DPP6: variants seen among roughly 807,000 people sequenced by gnomAD.
DPP6 encodes the protein dipeptidyl peptidase like 6, also known as A-type potassium channel modulatory protein DPP6.
Under a neutral mutation model 122.6 loss-of-function variants are expected in DPP6, and 69 were observed. That is an observed-to-expected ratio of 0.56 (90% CI 0.46 to 0.69). The LOEUF is 0.69. Ranked by LOEUF, DPP6 falls within the 30% of genes least tolerant of loss-of-function variation. The pLI is 0.00. For synonymous variants in DPP6, 418 were observed against 433.1 expected (o/e 0.97, Z 0.43); for missense variants, 928 against 1,116.9 (o/e 0.83, Z 2.41).
chr7:153,885,496 C>A (rs1045411385), upstream of DPP6, among the ~76,000 whole-genome samples: 1 of 152,074 alleles, frequency 6.6e-6, no homozygotes, highest in African/African-American at 2.4e-5. Flanking sequence ...ATGTGATGCA[C>A]ACTGAGAAGG....
chr7:154,689,842 A>G (rs1476749766), intron 7 of DPP6, among the ~76,000 whole-genome samples: 3 of 152,240 alleles, frequency 2.0e-5, no homozygotes, highest in Non-Finnish European at 4.4e-5. Context: ...TGACTGCTCC[A>G]TGAATTTTCC....
chr7:154,513,918 C>T (rs761548678), intron 3 of DPP6, among the ~76,000 whole-genome samples: 1 of 152,154 alleles, frequency 6.6e-6, no homozygotes, highest in Non-Finnish European at 1.5e-5. Context: ...TTCTTTCATG[C>T]TGATTTTTAT....
intron 8 of DPP6, among the ~76,000 whole-genome samples, chr7:154,750,067 G>A (rs1843296569): frequency 6.6e-6 from 1 of 152,140 alleles, no homozygotes; most frequent in African/African-American, 2.4e-5. Flanking sequence ...AAATACCAGA[G>A]TGCAATAGAG....
At chr7:154,334,663 G>A (rs1320088432) in intron 1 of DPP6, among the ~76,000 whole-genome samples, 11 of 152,166 alleles carry the variant, frequency 7.2e-5, no homozygotes, top group South Asian at 2.1e-4. Flanking sequence ...TTGGGAGGCC[G>A]CGGTGGCAGA....
intron 12 of DPP6, 95 bp from the exon 13 acceptor site, chr7:154,801,260 A>G (rs1321448119): frequency 1.3e-5 from 20 of 1,494,508 alleles, no homozygotes; most frequent in Admixed American, 2.1e-5. Context: ...GAAATCACAT[A>G]GAAAATGTAT....
At position 154,875,934 on chromosome 7, in the gene DPP6, G is replaced by T; in HGVS notation, c.1912G>T (p.Ala638Ser). The stretch of plus-strand genomic sequence containing the variant: ...TGGCACCCCAGGCAGCCAGAGTGTG[G>T]CTGAGAAGTTCGAGGTGAGCTGGGA... ...VDGTPGSQSVAEKFEVSWETV... is the reference protein window; with the variant it reads ...VDGTPGSQSVSEKFEVSWETV... The change falls in exon 20 of 26, where the codon GCT (alanine) becomes TCT (serine). Residue 638 changes from alanine (A) to serine (S), a missense_variant. Ala to Ser is a moderately conservative substitution (Grantham distance 99). Transcript: ENST00000377770. The surrounding 1 kb of genome is among the most constrained non-coding windows in gnomAD (Gnocchi z 4.5). 6.2e-6 allele frequency: 10 copies of T among 1,612,982 alleles called. No individual in the cohort carries two copies. The highest frequency in any genetic ancestry group is 7.6e-6 in the Non-Finnish European group (9 of 1,179,534).
intron 5 of DPP6, among the ~76,000 whole-genome samples, chr7:154,570,481 T>C (rs1831038449): frequency 6.6e-6 from 1 of 151,892 alleles, no homozygotes; most frequent in Non-Finnish European, 1.5e-5. Context: ...GTACATTTAG[T>C]ACTGAGCAAA....
chr7:154,326,418 T>C (rs1000414228), intron 1 of DPP6, among the ~76,000 whole-genome samples: 1 of 152,126 alleles, frequency 6.6e-6, no homozygotes, highest in African/African-American at 2.4e-5. Flanking sequence ...CTATATATAC[T>C]GTCACAAAAC....
chr7:153,904,322 G>A (rs1799758293), intron 1 of DPP6, among the ~76,000 whole-genome samples: 1 of 152,198 alleles, frequency 6.6e-6, no homozygotes, highest in Admixed American at 6.5e-5. Flanking sequence ...AAAATGCTGG[G>A]ATTACAGGCG....
intron 4 of DPP6, among the ~76,000 whole-genome samples, chr7:154,542,933 C>G (rs1471311779): frequency 6.6e-6 from 1 of 152,188 alleles, no homozygotes; most frequent in Non-Finnish European, 1.5e-5. Flanking sequence ...TTCTGCCAGC[C>G]CAGAACCTGG....
intron 1 of DPP6, among the ~76,000 whole-genome samples, chr7:154,313,751 A>ATACACC (rs1554515651): frequency 0.091 from 4,109 of 45,128 alleles, 847 homozygotes; most frequent in African/African-American, 0.18. Context: ...ACACACACAC[A>ATACACC]CCCTTACATA....
At chr7:154,357,405 C>T (rs1811357699) in intron 1 of DPP6, among the ~76,000 whole-genome samples, 1 of 151,874 alleles carries the variant, frequency 6.6e-6, no homozygotes, top group African/African-American at 2.4e-5. Context: ...AGGTCAATTG[C>T]ATGCAATTTT....
intron 1 of DPP6, among the ~76,000 whole-genome samples, chr7:154,104,924 G>A (rs1392451922): frequency 6.6e-6 from 1 of 152,214 alleles, no homozygotes; most frequent in East Asian, 1.9e-4. Flanking sequence ...TGGGAGTGGT[G>A]GCACACCTCT....
intron 1 of DPP6, among the ~76,000 whole-genome samples, chr7:154,347,299 C>A (rs2151072660): frequency 6.6e-6 from 1 of 152,274 alleles, no homozygotes; most frequent in Non-Finnish European, 1.5e-5. Context: ...AAGATCAGAC[C>A]AATATTCCCT....
chr7:154,199,018 G>GTTT lies in DPP6; in HGVS notation c.243+145965_243+145967dup, dbSNP rs548827696. ...TCACCTGGGCTATTGGTTTACTAGG[G>GTTT]TTTTTTTTTTTTGGTGGATTTGCCC... On this transcript the variant is annotated intron_variant, in intron 1 of 25. Coordinates refer to ENST00000377770, the MANE Select transcript of DPP6 (RefSeq NM_130797.4). Among the ~76,000 whole-genome samples, 251 of 147,164 alleles carry GTTT rather than the reference G, an allele frequency of 1.7e-3. 1 individual carries two copies. Among genetic ancestry groups the GTTT allele is most frequent in the African/African-American group, 6.0e-3 (243 of 40,166 alleles).
At chr7:154,831,151 C>A (rs1234486863) in intron 16 of DPP6, among the ~76,000 whole-genome samples, 9 of 152,206 alleles carry the variant, frequency 5.9e-5, no homozygotes, top group Admixed American at 5.9e-4. Context: ...TCTGGAAAGA[C>A]AAAGAGACCA....
chr7:154,843,905 TC>T (rs1801754365), intron 16 of DPP6, among the ~76,000 whole-genome samples: 1 of 152,256 alleles, frequency 6.6e-6, no homozygotes, highest in Non-Finnish European at 1.5e-5. Flanking sequence ...AAGTCTGTCT[TC>T]CGTACTGGAC....
At chr7:154,370,036 G>A (rs900747142) in intron 1 of DPP6, among the ~76,000 whole-genome samples, 2 of 151,890 alleles carry the variant, frequency 1.3e-5, no homozygotes, top group Non-Finnish European at 2.9e-5. Flanking sequence ...AGGCTGGAGT[G>A]CAATAGCACA....
intron 1 of DPP6, among the ~76,000 whole-genome samples, chr7:154,029,385 C>T (rs561190543): frequency 4.4e-4 from 66 of 151,456 alleles, no homozygotes; most frequent in South Asian, 1.3e-3. Flanking sequence ...GGCGCGGTGG[C>T]GGGCGCCTGT....
Sources: allele counts gnomAD v4.1 joint callset (sites outside exome capture counted in the v4.1 genomes callset), GRCh38; gene constraint gnomAD v4.1.1; non-coding constraint Gnocchi (gnomAD v3.1); transcripts MANE v1.5; gene names NCBI Gene and HGNC (gene_info 2026-07-23, HGNC 2026-07-21).